The following KCNA2 variants were observed in gnomAD, a reference collection of about 807,000 sequenced individuals.
KCNA2 encodes the protein potassium channel, voltage gated shaker related subfamily A, member 2.
In KCNA2, 11 loss-of-function variants were observed where a neutral mutation model predicts 33.4. That is an observed-to-expected ratio of 0.33 (90% CI 0.21 to 0.55). The LOEUF (loss-of-function observed/expected upper bound fraction) is 0.55, where lower values mean the gene tolerates loss of function less well. Among genes scored for constraint, KCNA2 ranks in the 20% least tolerant of loss-of-function variants. The probability of loss-of-function intolerance (pLI) is 0.93; values close to 1 mark genes in which losing one functional copy is unlikely to be tolerated. For synonymous variants in KCNA2, 222 were observed against 231.3 expected (o/e 0.96, Z 0.37); for missense variants, 291 against 621.6 (o/e 0.47, Z 5.66).
At position 110,601,826 on chromosome 1, in the gene KCNA2, G is replaced by GTA. The variant is rs1557730287; in HGVS notation, c.*1456_*1457insTA. On this transcript the variant is annotated 3_prime_UTR_variant, in exon 3 of 3. Coordinates refer to ENST00000316361, the MANE Select transcript of KCNA2 (RefSeq NM_004974.4). ...TGTGTGTGTGTGTGTGTGTGTGTGT[G>GTA]TGTATACATATACACACATATGTAT... 3 of 1,316,362 alleles carry GTA rather than the reference G, an allele frequency of 2.3e-6. No homozygotes were observed. The highest frequency in any genetic ancestry group is 1.5e-5 in the African/African-American group (1 of 64,614). The allele number at this position is 1,316,362 out of a possible 1,614,324, so 81.5% of individuals were successfully genotyped here. A position where few individuals can be genotyped will look rare whatever the true frequency, so the allele number is the denominator to read the frequency against.
At chr1:110,626,334 G>GA (rs544648288) in intron 1 of KCNA2, among the ~76,000 whole-genome samples, 14 of 151,654 alleles carry the variant, frequency 9.2e-5, no homozygotes, top group Non-Finnish European at 1.8e-4. Context: ...ATTATAAAGT[G>GA]AAAAAAAAGC....
chr1:110,611,125 G>A (rs1035190933), upstream of KCNA2, among the ~76,000 whole-genome samples: 2 of 152,206 alleles, frequency 1.3e-5, no homozygotes, highest in Admixed American at 6.5e-5. Context: ...GACTACAGAG[G>A]ATAATACCCA....
chr1:110,621,692 G>A (rs1650262974), intron 1 of KCNA2, among the ~76,000 whole-genome samples: 1 of 152,158 alleles, frequency 6.6e-6, no homozygotes, highest in South Asian at 2.1e-4. Context: ...AAAGGACAAT[G>A]AGGGAAATTC....
In KCNA2 at chr1:110,604,495, G is replaced by A; in HGVS notation, c.288C>T (p.Gly96=). Residue 96 remains glycine (G), a synonymous_variant, in exon 3 of 3, where the codon GGC becomes GGT. Transcript: ENST00000316361. This position sits in a 1 kb window ranked among gnomAD's most constrained non-coding sequence, Gnocchi z 7.6. ...GCACATTCACAGGTCGCCTCAATCGGCCCCCTGACTGGTAGTAGTACAAAA... is the reference window on the plus strand; with the variant it reads ...GCACATTCACAGGTCGCCTCAATCGACCCCCTGACTGGTAGTAGTACAAAA... ...DAILYYYQSG[G]RLRRPVNVPL... 1 of 1,614,150 alleles carries A rather than the reference G, an allele frequency of 6.2e-7. No homozygotes were observed. Among genetic ancestry groups the A allele is most frequent in the Non-Finnish European group, 8.5e-7 (1 of 1,180,012 alleles).
Position 110,600,941 on chromosome 1 carries a change from C to T in KCNA2, c.*2342G>A, listed in dbSNP as rs539522985. The T allele has an allele frequency of 2.0e-6, 2 of 985,456 alleles. No individual in the cohort carries two copies. Among genetic ancestry groups the T allele is most frequent in the African/African-American group, 3.5e-5 (2 of 57,344 alleles). The allele number at this position is 985,456 out of a possible 1,614,324, so 61.0% of individuals were successfully genotyped here. On this transcript the variant is annotated 3_prime_UTR_variant, in exon 3 of 3. Transcript: ENST00000316361. ...GGCAGCAGTGAGGCCTGGGCTGGAG[C>T]CACCCCTGCATAGCCCGACCCCTGC...
rs35728918 is a variant in KCNA2 at position 110,601,794 on chromosome 1, A to ATGTGTGTG, written c.*1481_*1488dup. 3.6e-5 allele frequency: 30 copies of ATGTGTGTG among 840,442 alleles called. No homozygotes were observed. Among genetic ancestry groups the ATGTGTGTG allele is most frequent in the African/African-American group, 2.2e-4 (11 of 49,024 alleles). The allele number at this position is 840,442 out of a possible 1,614,324, so 52.1% of individuals were successfully genotyped here. On this transcript the variant is annotated 3_prime_UTR_variant, in exon 3 of 3. Transcript: ENST00000316361. ...AGAAAATGAATATATATATATATATATGTGTGTGTGTGTGTGTGTGTGTGT... is the reference window on the plus strand; with the variant it reads ...AGAAAATGAATATATATATATATATATGTGTGTGTGTGTGTGTGTGTGTGTGTGTGTGT...
At chr1:110,620,173 C>T (rs569042040) in intron 1 of KCNA2, among the ~76,000 whole-genome samples, 1 of 152,260 alleles carries the variant, frequency 6.6e-6, no homozygotes, top group Admixed American at 6.5e-5. Flanking sequence ...TACCCCTGTC[C>T]TCACACATCC....
At chr1:110,624,598 A>C (rs1557740890) in intron 1 of KCNA2, among the ~76,000 whole-genome samples, 1 of 152,238 alleles carries the variant, frequency 6.6e-6, no homozygotes, top group Non-Finnish European at 1.5e-5. Flanking sequence ...TGCATTTTGT[A>C]GTGTATAAGT....
rs1376934853 is a variant in KCNA2 at position 110,602,719 on chromosome 1, A to C, written c.*564T>G. On this transcript the variant is annotated 3_prime_UTR_variant, in exon 3 of 3. Coordinates refer to ENST00000316361, the MANE Select transcript of KCNA2 (RefSeq NM_004974.4). ...GCAGCATTTTCCGTTATGAAACACA[A>C]GCCTCCAGAGCATCTACTTGGCAAC... 2.0e-6 allele frequency: 2 copies of C among 992,698 alleles called. No homozygotes were observed. Among genetic ancestry groups the C allele is most frequent in the African/African-American group, 3.5e-5 (2 of 57,442 alleles). 61.5% of individuals were successfully genotyped at this position (992,698 alleles called of 1,614,324 possible).
chr1:110,620,618 T>C (rs1397640185), intron 1 of KCNA2, among the ~76,000 whole-genome samples: 2 of 152,142 alleles, frequency 1.3e-5, no homozygotes, highest in African/African-American at 4.8e-5. Context: ...GCTGTTGGCC[T>C]AACCAACAGA....
chr1:110,614,871 CTT>C (rs1649999040), intron 1 of KCNA2, among the ~76,000 whole-genome samples: 1 of 152,210 alleles, frequency 6.6e-6, no homozygotes, highest in African/African-American at 2.4e-5. Flanking sequence ...CCAGCCCAGA[CTT>C]TGCTGATCCC....
chr1:110,615,713 GGC>G (rs1650027170), intron 1 of KCNA2, among the ~76,000 whole-genome samples: 1 of 152,214 alleles, frequency 6.6e-6, no homozygotes, highest in Non-Finnish European at 1.5e-5. Context: ...AAATCATCCT[GGC>G]ATTCCTGGTG....
rs879406172 is a variant in KCNA2, at chr1:110,594,291, C to CTA, written c.*8991_*8992insTA. ...GCGGCCATTTCCTCTCTCTCTCTCT[C>CTA]TCTATATATATATATACATATATAT... On this transcript the variant is annotated 3_prime_UTR_variant, in exon 3 of 3. Transcript: ENST00000316361. 0.023 allele frequency: 20,334 copies of CTA among 897,776 alleles called. 185 individuals are homozygous for CTA. Among genetic ancestry groups the CTA allele is most frequent in the Admixed American group, 0.11 (1,579 of 13,956 alleles). The allele number at this position is 897,776 out of a possible 1,614,324, so 55.6% of individuals were successfully genotyped here. A position where few individuals can be genotyped will look rare whatever the true frequency, so the allele number is the denominator to read the frequency against.
intron 1 of KCNA2, among the ~76,000 whole-genome samples, chr1:110,631,223 A>AGG (rs2101479394): frequency 6.6e-6 from 1 of 152,100 alleles, no homozygotes; most frequent in South Asian, 2.1e-4. Context: ...AAGGTGTCAA[A>AGG]TCCCTTGTCT....
In KCNA2 at chr1:110,596,665, G is replaced by A; in HGVS notation, c.*6618C>T. On this transcript the variant is annotated 3_prime_UTR_variant, in exon 3 of 3. Transcript: ENST00000316361. ...ATCTTCAAACACTCTACTTAACTAA[G>A]GCAGGAAAGTTATGCTAACCTACTT... 1 of 893,050 alleles carries A rather than the reference G, an allele frequency of 1.1e-6. No individual in the cohort carries two copies. The highest frequency in any genetic ancestry group is 1.3e-6 in the Non-Finnish European group (1 of 745,858). 55.3% of individuals were successfully genotyped at this position (893,050 alleles called of 1,614,324 possible).
chr1:110,598,773 G>A lies in KCNA2; in HGVS notation c.*4510C>T, dbSNP rs769712160. On this transcript the variant is annotated 3_prime_UTR_variant, in exon 3 of 3. Transcript: ENST00000316361. ...AGAGGCAAGCAGAGAAGAAGGAAGAGAGCATGTCAAATATTACTGAAGTTT... is the reference window on the plus strand; with the variant it reads ...AGAGGCAAGCAGAGAAGAAGGAAGAAAGCATGTCAAATATTACTGAAGTTT... 4.1e-6 allele frequency: 4 copies of A among 985,156 alleles called. No homozygotes were observed. The highest frequency in any genetic ancestry group is 4.8e-6 in the Non-Finnish European group (4 of 829,906). The allele number at this position is 985,156 out of a possible 1,614,324, so 61.0% of individuals were successfully genotyped here.
Position 110,596,337 on chromosome 1 carries a change from A to AG in KCNA2, c.*6945_*6946insC. On this transcript the variant is annotated 3_prime_UTR_variant, in exon 3 of 3. Coordinates refer to ENST00000316361, the MANE Select transcript of KCNA2 (RefSeq NM_004974.4). ...AATAGTATACATATATACATATACTATATATATATATATACACACATAAAT... is the reference window on the plus strand; with the variant it reads ...AATAGTATACATATATACATATACTAGTATATATATATATACACACATAAAT... 3.7e-6 allele frequency: 1 copy of AG among 266,882 alleles called. No individual in the cohort carries two copies. Among genetic ancestry groups the AG allele is most frequent in the Non-Finnish European group, 5.7e-6 (1 of 175,208 alleles). The allele number at this position is 266,882 out of a possible 1,614,324, so 16.5% of individuals were successfully genotyped here.
upstream of KCNA2, among the ~76,000 whole-genome samples, chr1:110,608,473 C>G (rs1457073002): frequency 6.6e-6 from 1 of 152,208 alleles, no homozygotes; most frequent in African/African-American, 2.4e-5. Context: ...CCGGGAAACC[C>G]TCCTCTCTAT....
chr1:110,630,009 CTTTTTTTTTT>C (rs372364243), intron 1 of KCNA2, among the ~76,000 whole-genome samples: 6 of 115,212 alleles, frequency 5.2e-5, no homozygotes, highest in Non-Finnish European at 1.7e-5. Flanking sequence ...GTGCTCTGTA[CTTTTTTTTTT>C]TTTTTTTTTT....
Sources: gnomAD v4.1 joint callset for allele counts (sites outside exome capture counted in the v4.1 genomes callset) on GRCh38, gnomAD v4.1.1 for gene constraint, Gnocchi (gnomAD v3.1) non-coding constraint, MANE v1.5 for transcripts, NCBI Gene and HGNC (gene_info 2026-07-23, HGNC 2026-07-21) for gene names.